The following HERC1 variants were observed in gnomAD, a reference collection of about 807,000 sequenced individuals.
The protein encoded by HERC1 is probable E3 ubiquitin-protein ligase HERC1.
Under a neutral mutation model 554.3 loss-of-function variants are expected in HERC1, and 160 were observed. The ratio of observed to expected loss-of-function variants is 0.29; its 90% CI spans 0.25 to 0.33. HERC1 has a LOEUF of 0.33. Among genes scored for constraint, HERC1 ranks in the 10% least tolerant of loss-of-function variants. HERC1 has a pLI of 1.00. For missense variants in HERC1, 4,919 were observed against 5,918.5 expected, an observed-to-expected ratio of 0.83 and a Z score of 5.54; for synonymous variants, 2,175 against 2,131.7, an observed-to-expected ratio of 1.02 and a Z score of -0.56.
At position 63,692,245 on chromosome 15, in the gene HERC1, C is replaced by A. The variant is rs1022039498; in HGVS notation, c.5830+166G>T. Among the ~76,000 whole-genome samples the A allele has an allele frequency of 1.3e-5, 2 of 152,172 alleles. No homozygotes were observed. Among genetic ancestry groups the A allele is most frequent in the African/African-American group, 4.8e-5 (2 of 41,452 alleles). On this transcript the variant is annotated intron_variant, in intron 31 of 77. Transcript: ENST00000443617. This position sits in a 1 kb window ranked among gnomAD's most constrained non-coding sequence, Gnocchi z 4.7. ...ATTATTTATTTTCTGCCAATTTTTACTTCTGAAATTAGAGTTTTCTTTTGA... is the reference window on the plus strand; with the variant it reads ...ATTATTTATTTTCTGCCAATTTTTAATTCTGAAATTAGAGTTTTCTTTTGA...
At position 63,624,261 on chromosome 15, in the gene HERC1, C is replaced by T. The variant is rs752871809; in HGVS notation, c.13342G>A (p.Ala4448Thr). ...IVQGQLRPLL[A>T]PRVYTLPMVR... Reference sequence around the variant, plus strand: ...ATTGGCAGAGTGTAGACTCTTGGGGCTAACAAAGGCCGAAGTTGTCCCTGT... The same window carrying T: ...ATTGGCAGAGTGTAGACTCTTGGGGTTAACAAAGGCCGAAGTTGTCCCTGT... The change falls in exon 72 of 78, where the codon GCC becomes ACC. Residue 4448 changes from alanine to threonine, a missense_variant. Coordinates refer to ENST00000443617, the MANE Select transcript of HERC1 (RefSeq NM_003922.4). 1.2e-6 allele frequency: 2 copies of T among 1,613,740 alleles called. No individual in the cohort carries two copies. Among genetic ancestry groups the T allele is most frequent in the East Asian group, 2.2e-5 (1 of 44,872 alleles).
At chr15:63,691,909 GAA>G (rs1459137558) in intron 31 of HERC1, among the ~76,000 whole-genome samples, 1 of 152,218 alleles carries the variant, frequency 6.6e-6, no homozygotes, top group Non-Finnish European at 1.5e-5. Flanking sequence ...TAGCAAAAGA[GAA>G]CAGGAAAGGA....
intron 2 of HERC1, among the ~76,000 whole-genome samples, chr15:63,768,911 A>T (rs2075866098): frequency 6.6e-6 from 1 of 152,200 alleles, no homozygotes; most frequent in South Asian, 2.1e-4. Context: ...GATAGCAATA[A>T]TTATTATTTT....
chr15:63,803,370 C>G (rs1470601250), intron 1 of HERC1, among the ~76,000 whole-genome samples: 2 of 152,074 alleles, frequency 1.3e-5, no homozygotes, highest in Admixed American at 6.5e-5. Flanking sequence ...ACCCCTTAAC[C>G]ACTAAATCAT....
At chr15:63,814,270 C>T (rs2077422377) in intron 1 of HERC1, among the ~76,000 whole-genome samples, 1 of 152,112 alleles carries the variant, frequency 6.6e-6, no homozygotes, top group South Asian at 2.1e-4. Context: ...TCATTTTTTA[C>T]AACAAATATA....
rs35580549 is a variant in HERC1 at position 63,821,554 on chromosome 15, CA to C, written c.-27+12272del. On this transcript the variant is annotated intron_variant, in intron 1 of 77. Coordinates refer to ENST00000443617, the MANE Select transcript of HERC1 (RefSeq NM_003922.4). ...CTGGTAACAGAGTGAGACTCTGTCT[CA>C]AAAAAAAAAAAAAAAAAAAATGTAG... Among the ~76,000 whole-genome samples the C allele has an allele frequency of 5.0e-3, 310 of 62,408 alleles. 2 individuals carry two copies. Among genetic ancestry groups the C allele is most frequent in the East Asian group, 0.02 (42 of 2,054 alleles). The allele number at this position is 62,408 out of a possible 152,430, so 40.9% of individuals were successfully genotyped here.
intron 24 of HERC1, among the ~76,000 whole-genome samples, chr15:63,710,722 T>C (rs994638305): frequency 6.6e-6 from 1 of 152,106 alleles, no homozygotes; most frequent in South Asian, 2.1e-4. Flanking sequence ...ACAGGCTTCA[T>C]GGAAAAAGTA....
At chr15:63,637,444 T>C in intron 64 of HERC1, 61 bp downstream of exon 64, 1 of 1,412,154 alleles carries the variant, frequency 7.1e-7, no homozygotes, top group Non-Finnish European at 9.7e-7. Flanking sequence ...CAAAGGTTTG[T>C]ACGACCAAAC....
chr15:63,785,675 G>T (rs577548195), intron 1 of HERC1, among the ~76,000 whole-genome samples: 3 of 150,992 alleles, frequency 2.0e-5, no homozygotes, highest in African/African-American at 7.2e-5. Context: ...AGGATGAGGT[G>T]GGATGATCCC....
intron 3 of HERC1, among the ~76,000 whole-genome samples, chr15:63,760,905 G>GA (rs1032824871): frequency 7.3e-5 from 11 of 151,110 alleles, no homozygotes; most frequent in South Asian, 4.2e-4. Context: ...TCTTTAAAGA[G>GA]AAAAAAAAAT....
intron 1 of HERC1, among the ~76,000 whole-genome samples, chr15:63,789,235 C>T (rs1436515282): frequency 6.8e-6 from 1 of 147,286 alleles, no homozygotes; most frequent in African/African-American, 2.5e-5. Flanking sequence ...GGACTACAGG[C>T]GCCCGCCACT....
Position 63,694,309 on chromosome 15 carries a change from T to C in HERC1, c.5480+3A>G. 2 of 1,610,708 alleles carry C rather than the reference T, an allele frequency of 1.2e-6. No homozygotes were observed. The highest frequency in any genetic ancestry group is 1.1e-5 in the South Asian group (1 of 90,472). ...GTTCTACAAAGACATCTACCATACTTACCCAGTAGTGATGGCTAGAATCTG... is the reference window on the plus strand; with the variant it reads ...GTTCTACAAAGACATCTACCATACTCACCCAGTAGTGATGGCTAGAATCTG... On this transcript the variant is annotated splice_donor_region_variant and intron_variant, in intron 29 of 77. Coordinates refer to ENST00000443617, the MANE Select transcript of HERC1 (RefSeq NM_003922.4). The surrounding 1 kb of genome is among the most constrained non-coding windows in gnomAD (Gnocchi z 4.3).
chr15:63,734,904 A>G lies in HERC1; in HGVS notation c.2521-55T>C. ...TGGCCTGGTTCTTAGTTTTTAATAA[A>G]AACACACTTAAAGCGAACTCACTGA... On this transcript the variant is annotated intron_variant, in intron 12 of 77. Coordinates refer to ENST00000443617, the MANE Select transcript of HERC1 (RefSeq NM_003922.4). This position sits in a 1 kb window ranked among gnomAD's most constrained non-coding sequence, Gnocchi z 4.6. 1.3e-6 allele frequency: 2 copies of G among 1,490,250 alleles called. No homozygotes were observed. The highest frequency in any genetic ancestry group is 1.2e-5 in the South Asian group (1 of 81,342). 92.3% of individuals were successfully genotyped at this position (1,490,250 alleles called of 1,614,324 possible).
intron 72 of HERC1, 111 bp from the exon 73 acceptor site, chr15:63,624,001 G>C: frequency 7.6e-7 from 1 of 1,313,298 alleles, no homozygotes; most frequent in Non-Finnish European, 1.1e-6. Flanking sequence ...GGCAAGCACT[G>C]TGCTAGGCCC....
rs747062736 is a variant in HERC1, at chr15:63,658,559, G to C, written c.9584C>G (p.Ser3195Cys). 2 of 1,611,952 alleles carry C rather than the reference G, an allele frequency of 1.2e-6. No homozygotes were observed. The highest frequency in any genetic ancestry group is 1.7e-5 in the Admixed American group (1 of 59,734). The change falls in exon 48 of 78, where the codon TCT becomes TGT. Residue 3195 changes from serine to cysteine, a missense_variant. By Grantham distance (112) the Ser-to-Cys change is moderately radical (BLOSUM62 -1). Around this residue, in one of 11 missense-constraint regions of HERC1, gnomAD observed 1,963 missense variants for 2,228.6 expected, o/e 0.88. Coordinates refer to ENST00000443617, the MANE Select transcript of HERC1 (RefSeq NM_003922.4). ...LARTMVMRAL[S>C]LLSVSGSSCS... ...TAACACTTACCTGACTGAGAGAAGA[G>C]ACAGCGCTCTCATGACCATGGTTCT...
At chr15:63,750,741 G>C (rs1183568244) in intron 8 of HERC1, among the ~76,000 whole-genome samples, 1 of 151,968 alleles carries the variant, frequency 6.6e-6, no homozygotes, top group African/African-American at 2.4e-5. Context: ...ATACCAGCCT[G>C]GACAATGTGG....
At chr15:63,610,223 G>C (rs1566935455) in intron 77 of HERC1, among the ~76,000 whole-genome samples, 1 of 151,984 alleles carries the variant, frequency 6.6e-6, no homozygotes, top group Non-Finnish European at 1.5e-5. Context: ...TAAGCCACAT[G>C]TCCTGCTATG....
chr15:63,804,344 G>A (rs1008190576), intron 1 of HERC1, among the ~76,000 whole-genome samples: 4 of 152,166 alleles, frequency 2.6e-5, no homozygotes, highest in Non-Finnish European at 1.5e-5. Flanking sequence ...CCAGCACTTT[G>A]GGAGGCTGAG....
At chr15:63,654,458 G>A (rs1468543336) in intron 50 of HERC1, 134 bp from the exon 51 acceptor site, 3 of 633,192 alleles carry the variant, frequency 4.7e-6, no homozygotes, top group South Asian at 2.0e-5. Context: ...TATCTTTTAA[G>A]AATTGGCACT....
Sources: gnomAD v4.1 joint callset for allele counts (sites outside exome capture counted in the v4.1 genomes callset) on GRCh38, gnomAD v4.1.1 for gene constraint, gnomAD v4.1.1 regional missense constraint, Gnocchi (gnomAD v3.1) non-coding constraint, MANE v1.5 for transcripts, NCBI Gene and HGNC (gene_info 2026-07-23, HGNC 2026-07-21) for gene names.